The following AKAP6 variants were observed in gnomAD, a reference collection of about 807,000 sequenced individuals.
AKAP6 encodes A-kinase anchoring protein 6, also known as A-kinase anchor protein 6.
In AKAP6, 58 loss-of-function variants were observed where a neutral mutation model predicts 188.5. That is an observed-to-expected ratio of 0.31 (90% CI 0.25 to 0.38). AKAP6 has a LOEUF of 0.38. Among genes scored for constraint, AKAP6 ranks in the 10% least tolerant of loss-of-function variants. AKAP6 has a pLI of 1.00. For synonymous variants in AKAP6, 989 were observed against 998.6 expected (o/e 0.99, Z 0.18); for missense variants, 2,710 against 2,740.0 (o/e 0.99, Z 0.24).
At chr14:32,527,315 A>G (rs1882181870) in intron 2 of AKAP6, among the ~76,000 whole-genome samples, 1 of 152,132 alleles carries the variant, frequency 6.6e-6, no homozygotes, top group African/African-American at 2.4e-5. Context: ...GTCTAGATAT[A>G]CCAAAGTTTA....
At chr14:32,352,103 T>G (rs2383318) in intron 1 of AKAP6, among the ~76,000 whole-genome samples, 30,248 of 119,744 alleles carry the variant, frequency 0.25, 3,177 homozygotes, top group East Asian at 0.39. Flanking sequence ...GTGTGTGTGT[T>G]TGTGTGTGTG....
At position 32,835,196 on chromosome 14, in the gene AKAP6, C is replaced by T. The variant is rs759164356; in HGVS notation, c.*5391C>T. 6.6e-6 allele frequency: 1 copy of T among 152,054 alleles called. No individual in the cohort carries two copies. Among genetic ancestry groups the T allele is most frequent in the Non-Finnish European group, 1.5e-5 (1 of 68,004 alleles). The allele number at this position is 152,054 out of a possible 1,614,324, so 9.4% of individuals were successfully genotyped here. The stretch of plus-strand genomic sequence containing the variant: ...CCCTGGTCTATGATATTCTAAATTC[C>T]GACACATTTTCTTAGGATAGATTTC... On this transcript the variant is annotated 3_prime_UTR_variant, in exon 14 of 14. Coordinates refer to ENST00000280979, the MANE Select transcript of AKAP6 (RefSeq NM_004274.5).
intron 11 of AKAP6, 50 bp downstream of exon 11, chr14:32,735,932 A>G (rs563060723): frequency 1.5e-6 from 2 of 1,369,816 alleles, no homozygotes; most frequent in South Asian, 1.4e-5. Flanking sequence ...TATGGTAGGG[A>G]TGAAATATTT....
chr14:32,582,977 C>G (rs1402634263), intron 5 of AKAP6, among the ~76,000 whole-genome samples: 1 of 152,212 alleles, frequency 6.6e-6, no homozygotes, highest in African/African-American at 2.4e-5. Context: ...CTGAAGCCTT[C>G]TTCTCTCAAC....
chr14:32,427,323 G>A (rs967861324), intron 1 of AKAP6, among the ~76,000 whole-genome samples: 12 of 152,196 alleles, frequency 7.9e-5, no homozygotes, highest in Non-Finnish European at 4.4e-5. Context: ...CAAAGGAGGA[G>A]AAGGCATCAG....
intron 2 of AKAP6, among the ~76,000 whole-genome samples, chr14:32,515,297 G>C (rs1418474953): frequency 6.6e-6 from 1 of 152,002 alleles, no homozygotes; most frequent in Non-Finnish European, 1.5e-5. Context: ...ATCTCCACCC[G>C]GCCCCACCTT....
intron 1 of AKAP6, among the ~76,000 whole-genome samples, chr14:32,380,203 T>C (rs1888305412): frequency 6.6e-6 from 1 of 152,240 alleles, no homozygotes. Context: ...GGCAAATGTC[T>C]GTGTATCCTT....
chr14:32,753,904 CA>C (rs2032234684), intron 11 of AKAP6, among the ~76,000 whole-genome samples: 2 of 152,008 alleles, frequency 1.3e-5, no homozygotes, highest in South Asian at 4.1e-4. Flanking sequence ...ATGTGAGTAC[CA>C]TGCTGTTTTG....
At chr14:32,344,915 TAAAA>T (rs11297648) in intron 1 of AKAP6, among the ~76,000 whole-genome samples, 2 of 105,460 alleles carry the variant, frequency 1.9e-5, no homozygotes, top group Admixed American at 2.1e-4. Flanking sequence ...GACTCTGTCT[TAAAA>T]AAAAAAAAAA....
At chr14:32,363,834 TTA>T (rs1887740403) in intron 1 of AKAP6, among the ~76,000 whole-genome samples, 1 of 152,156 alleles carries the variant, frequency 6.6e-6, no homozygotes, top group Non-Finnish European at 1.5e-5. Flanking sequence ...GTTGACAATA[TTA>T]ACCATCACAA....
chr14:32,444,316 T>C (rs1373602749), intron 2 of AKAP6, among the ~76,000 whole-genome samples: 1 of 152,102 alleles, frequency 6.6e-6, no homozygotes, highest in African/African-American at 2.4e-5. Context: ...GCAGAGGAGT[T>C]AGAGGCAATT....
At chr14:32,763,648 T>G (rs1238291573) in intron 11 of AKAP6, among the ~76,000 whole-genome samples, 1 of 152,168 alleles carries the variant, frequency 6.6e-6, no homozygotes, top group Non-Finnish European at 1.5e-5. Flanking sequence ...GAAGATACAT[T>G]GATATAATTG....
chr14:32,719,760 C>A (rs2030429742), intron 9 of AKAP6, among the ~76,000 whole-genome samples: 1 of 152,136 alleles, frequency 6.6e-6, no homozygotes, highest in African/African-American at 2.4e-5. Flanking sequence ...TTCCCTCTTT[C>A]TTGAAATCTG....
At chr14:32,427,086 C>T (rs1594602327) in intron 1 of AKAP6, among the ~76,000 whole-genome samples, 2 of 152,076 alleles carry the variant, frequency 1.3e-5, no homozygotes, top group Admixed American at 6.6e-5. Context: ...GTGATAACAC[C>T]GAGATCTTTT....
intron 7 of AKAP6, among the ~76,000 whole-genome samples, chr14:32,649,657 A>G (rs770163956): frequency 1.3e-5 from 2 of 152,236 alleles, no homozygotes; most frequent in Non-Finnish European, 2.9e-5. Flanking sequence ...TTAATAAAAT[A>G]TAAGTTTTAG....
At chr14:32,791,861 C>T (rs1475179815) in intron 12 of AKAP6, among the ~76,000 whole-genome samples, 1 of 152,110 alleles carries the variant, frequency 6.6e-6, no homozygotes, top group Non-Finnish European at 1.5e-5. Flanking sequence ...TTCCCAGCAC[C>T]ATTTATTATA....
chr14:32,489,573 A>T (rs2138938357), intron 2 of AKAP6, among the ~76,000 whole-genome samples: 1 of 152,334 alleles, frequency 6.6e-6, no homozygotes, highest in South Asian at 2.1e-4. Flanking sequence ...AAAAAACTTT[A>T]CAGAAAGCAC....
chr14:32,577,201 G>C lies in AKAP6; in HGVS notation c.2428G>C (p.Ala810Pro). ...TACAGAAAATTGGACTCCCCCTAAA[G>C]CAGAGATGGATGACCTTAAACTGTA... ...ETTENWTPPK[A>P]EMDDLKLYLE... Residue 810 changes from alanine to proline, a missense_variant, in exon 5 of 14, where the codon GCA becomes CCA. Ala to Pro is a conservative substitution (Grantham distance 27). Around this residue, in one of 2 missense-constraint regions of AKAP6, gnomAD observed 2,473 missense variants for 2,426.1 expected, o/e 1.02. Coordinates refer to ENST00000280979, the MANE Select transcript of AKAP6 (RefSeq NM_004274.5). 2.5e-6 allele frequency: 4 copies of C among 1,612,628 alleles called. No homozygotes were observed. Among genetic ancestry groups the C allele is most frequent in the Non-Finnish European group, 3.4e-6 (4 of 1,179,192 alleles).
At chr14:32,643,734 T>C (rs949967731) in intron 7 of AKAP6, among the ~76,000 whole-genome samples, 2 of 152,216 alleles carry the variant, frequency 1.3e-5, no homozygotes, top group African/African-American at 2.4e-5. Flanking sequence ...AGGTTTTCCT[T>C]ATGCCAACTG....
Sources: gnomAD v4.1 joint callset for allele counts (sites outside exome capture counted in the v4.1 genomes callset) on GRCh38, gnomAD v4.1.1 for gene constraint, gnomAD v4.1.1 regional missense constraint, MANE v1.5 for transcripts, NCBI Gene and HGNC (gene_info 2026-07-23, HGNC 2026-07-21) for gene names.